Variants in TDP1 observed in about 807,000 individuals in gnomAD.
TDP1 encodes the protein tyrosyl-DNA phosphodiesterase 1, also known as tyr-DNA phosphodiesterase 1.
In TDP1, 64 loss-of-function variants were observed where a neutral mutation model predicts 81.5. That is an observed-to-expected ratio of 0.79 (90% confidence interval 0.64 to 0.97). The LOEUF (loss-of-function observed/expected upper bound fraction) is 0.97, where lower values mean the gene tolerates loss of function less well. TDP1 is among the 50% of genes least tolerant of loss of function. The pLI is 0.00. For synonymous variants in TDP1, 256 were observed against 264.3 expected, an observed-to-expected ratio of 0.97 and a Z score of 0.30; for missense variants, 723 against 743.8, an observed-to-expected ratio of 0.97 and a Z score of 0.33.
At chr14:89,958,708 G>T (rs1359831443) in intron 2 of TDP1, among the ~76,000 whole-genome samples, 1 of 152,210 alleles carries the variant, frequency 6.6e-6, no homozygotes, top group Non-Finnish European at 1.5e-5. Context: ...TATCAATCCG[G>T]TCCGTGGATT....
At chr14:89,975,259 G>A (rs1289963970) in intron 6 of TDP1, 1 of 233,742 alleles carries the variant, frequency 4.3e-6, no homozygotes, top group African/African-American at 2.3e-5. Context: ...CATATTTTTA[G>A]TAGAAACGGG....
chr14:90,003,878 CTAA>C (rs1453387016), intron 14 of TDP1, among the ~76,000 whole-genome samples: 18 of 152,292 alleles, frequency 1.2e-4, no homozygotes, highest in African/African-American at 4.1e-4. Flanking sequence ...TACTCCTTCT[CTAA>C]TGTCTGTTGC....
chr14:89,964,930 G>C (rs569282790), intron 3 of TDP1: 1 of 410,178 alleles, frequency 2.4e-6, no homozygotes, highest in Admixed American at 3.1e-5. Flanking sequence ...GCCCAAGGTC[G>C]TAGAGCTGGT....
chr14:90,020,513 C>CTCCCTCCCTCCCTCCCT (rs1885887795), intron 15 of TDP1, among the ~76,000 whole-genome samples: 1 of 43,332 alleles, frequency 2.3e-5, no homozygotes, highest in African/African-American at 1.5e-4. Flanking sequence ...CCTTCCGTCC[C>CTCCCTCCCTCCCTCCCT]TCCCTCCCTC....
chr14:89,969,619 C>A (rs1256272623), intron 5 of TDP1, among the ~76,000 whole-genome samples: 1 of 152,096 alleles, frequency 6.6e-6, no homozygotes, highest in South Asian at 2.1e-4. Flanking sequence ...TACCTAATTT[C>A]TAAAAATCAC....
rs1263870027 is a variant in TDP1, at chr14:89,989,049, G to A, written c.1276G>A (p.Glu426Lys). 7 of 1,614,150 alleles carry A rather than the reference G, an allele frequency of 4.3e-6. No homozygotes were observed. In the Admixed American group the frequency reaches 1.2e-4, roughly 27 times the overall value. Reference protein sequence around the residue: ...FKESMLTLGKESKTPGKSSVP... With the variant: ...FKESMLTLGKKSKTPGKSSVP... The stretch of plus-strand genomic sequence containing the variant: ...AGAGAGCATGCTGACACTGGGGAAG[G>A]AAAGCAAGACTCCAGGAAAAAGCTC... The change falls in exon 11 of 17, where the codon GAA becomes AAA. Residue 426 changes from glutamate to lysine, a missense_variant. Glu to Lys is a moderately conservative substitution (Grantham distance 56). Coordinates refer to ENST00000335725, the MANE Select transcript of TDP1 (RefSeq NM_018319.4).
chr14:90,001,765 A>G (rs1897205829), intron 14 of TDP1, among the ~76,000 whole-genome samples: 1 of 152,216 alleles, frequency 6.6e-6, no homozygotes, highest in Non-Finnish European at 1.5e-5. Flanking sequence ...AACTTTTTCT[A>G]GCTCAGCAGG....
intron 2 of TDP1, among the ~76,000 whole-genome samples, chr14:89,961,369 A>G (rs1031032973): frequency 6.6e-6 from 1 of 152,200 alleles, no homozygotes; most frequent in Non-Finnish European, 1.5e-5. Flanking sequence ...TTAGTCAAGC[A>G]TCTGGCAGTA....
intron 14 of TDP1, among the ~76,000 whole-genome samples, chr14:90,018,348 G>T (rs1885565657): frequency 6.6e-6 from 1 of 152,126 alleles, no homozygotes; most frequent in Non-Finnish European, 1.5e-5. Context: ...CTTATAAAAA[G>T]AGTCTCTGAA....
chr14:89,989,212 G>A (rs1009967706), intron 11 of TDP1, 122 bp downstream of exon 11: 52 of 1,329,398 alleles, frequency 3.9e-5, no homozygotes, highest in East Asian at 5.3e-5. Flanking sequence ...TTTTTTTGGC[G>A]TGGCGGGGGC....
At chr14:90,042,973 TAGAG>T (rs1430747348) in intron 16 of TDP1, 93 bp from the exon 17 acceptor site, 4 of 1,598,340 alleles carry the variant, frequency 2.5e-6, no homozygotes, top group Non-Finnish European at 3.4e-6. Flanking sequence ...TACCACAGTT[TAGAG>T]AGTCAAGCAC....
At chr14:89,972,261 C>T (rs1366493873) in intron 6 of TDP1, among the ~76,000 whole-genome samples, 2 of 150,356 alleles carry the variant, frequency 1.3e-5, no homozygotes, top group African/African-American at 2.5e-5. Flanking sequence ...AGGAAGCAGG[C>T]ACATCTTACT....
At chr14:89,976,162 G>A (rs1489260003) in intron 7 of TDP1, among the ~76,000 whole-genome samples, 1 of 152,140 alleles carries the variant, frequency 6.6e-6, no homozygotes, top group African/African-American at 2.4e-5. Flanking sequence ...CTGGAGTGCA[G>A]TGGCATGATC....
At chr14:90,032,946 T>G (rs1228883885) in intron 15 of TDP1, 160 bp from the exon 16 acceptor site, 8 of 653,934 alleles carry the variant, frequency 1.2e-5, no homozygotes, top group Admixed American at 6.3e-5. Context: ...GGCGGGGGGG[T>G]TGTAAATATA....
At chr14:89,991,717 TGAAG>T in intron 12 of TDP1, 196 bp from the exon 13 acceptor site, 1 of 929,998 alleles carries the variant, frequency 1.1e-6, no homozygotes, top group African/African-American at 1.8e-5. Context: ...AAGTTAATAC[TGAAG>T]GAAGGAAACC....
intron 14 of TDP1, among the ~76,000 whole-genome samples, chr14:90,018,100 CGTT>C (rs1885534687): frequency 6.8e-6 from 1 of 147,006 alleles, no homozygotes; most frequent in African/African-American, 2.5e-5. Flanking sequence ...CTTACTTGGT[CGTT>C]GTTTTTGTTT....
chr14:90,033,355 CCTGT>C (rs1446438904), intron 16 of TDP1, 141 bp downstream of exon 16: 3 of 702,126 alleles, frequency 4.3e-6, no homozygotes, highest in African/African-American at 1.8e-5. Flanking sequence ...CCTTTGCCAG[CCTGT>C]CTGGGGCCTT....
intron 16 of TDP1, 123 bp downstream of exon 16, chr14:90,033,337 C>T (rs749123743): frequency 1.4e-6 from 1 of 719,296 alleles, no homozygotes; most frequent in Non-Finnish European, 2.5e-6. Flanking sequence ...CTCAAGTTTG[C>T]AGAGGGCCCT....
At chr14:90,031,500 T>TA (rs1458764999) in intron 15 of TDP1, among the ~76,000 whole-genome samples, 1 of 151,700 alleles carries the variant, frequency 6.6e-6, no homozygotes, top group Non-Finnish European at 1.5e-5. Context: ...CTACTAAAAA[T>TA]ACAAAAATCT....
Sources: allele counts gnomAD v4.1 joint callset (sites outside exome capture counted in the v4.1 genomes callset), GRCh38; gene constraint gnomAD v4.1.1; transcripts MANE v1.5; gene names NCBI Gene and HGNC (gene_info 2026-07-23, HGNC 2026-07-21).